Variants in TMEM114 observed in about 807,000 individuals in gnomAD.
The protein encoded by TMEM114 is claudin-26.
Under a neutral mutation model 6.2 loss-of-function variants are expected in TMEM114, and 6 were observed. The ratio of observed to expected loss-of-function variants is 0.97; its 90% confidence interval spans 0.53 to 1.91. TMEM114 has a LOEUF of 1.91. Ranked by LOEUF, TMEM114 falls within the 40% of genes most tolerant of loss-of-function variation. TMEM114 has a pLI of 0.01. For missense variants in TMEM114, 218 were observed against 158.3 expected, an observed-to-expected ratio of 1.38 and a Z score of -2.02; for synonymous variants, 104 against 73.0, an observed-to-expected ratio of 1.42 and a Z score of -2.16.
At chr16:8,579,242 G>A (rs1330188735) in intron 2 of TMEM114, among the ~76,000 whole-genome samples, 3 of 152,242 alleles carry the variant, frequency 2.0e-5, no homozygotes, top group Admixed American at 6.5e-5. Context: ...AGCCCCGAGC[G>A]GTCAATGCTC....
At chr16:8,572,322 A>G (rs1372199266) in intron 2 of TMEM114, 98 bp from the exon 3 acceptor site, 1 of 1,323,750 alleles carries the variant, frequency 7.6e-7, no homozygotes, top group East Asian at 2.5e-5. Context: ...AGCTGGGGAA[A>G]ATCCACACTG....
At chr16:8,566,897 GTTT>G (rs71150402), downstream of TMEM114, among the ~76,000 whole-genome samples, 1,880 of 98,268 alleles carry the variant, frequency 0.019, 43 homozygotes, top group African/African-American at 0.073. Flanking sequence ...CATCACCCTG[GTTT>G]TTTTTTTTTT....
At chr16:8,563,035 A>C (rs1901330144) in intron 2 of TMEM114, among the ~76,000 whole-genome samples, 1 of 142,314 alleles carries the variant, frequency 7.0e-6, no homozygotes, top group African/African-American at 2.6e-5. Flanking sequence ...GGAATGAGTG[A>C]GTGAATGAGT....
chr16:8,569,401 C>A, downstream of TMEM114: 1 of 1,050,660 alleles, frequency 9.5e-7, no homozygotes, highest in Middle Eastern at 4.5e-4. Context: ...CACCCTCTCC[C>A]TTTCCCAGAC....
rs1250852864 is a variant in TMEM114, at chr16:8,589,953, C to A, written c.-115G>T. ...CTCCCAGCTCCACCGCCGCCAGAGC[C>A]GCGGAGCTCAGATCTGAAAGCCTTT... On this transcript the variant is annotated 5_prime_UTR_variant, in exon 1 of 4. Coordinates refer to ENST00000620492, the MANE Select transcript of TMEM114 (RefSeq NM_001146336.2). The A allele has an allele frequency of 2.6e-6, 1 of 387,430 alleles. No individual in the cohort carries two copies. Among genetic ancestry groups the A allele is most frequent in the Non-Finnish European group, 4.6e-6 (1 of 219,380 alleles). 24.0% of individuals were successfully genotyped at this position (387,430 alleles called of 1,614,324 possible).
chr16:8,575,572 C>T (rs1202603247), intron 2 of TMEM114, among the ~76,000 whole-genome samples: 1 of 152,212 alleles, frequency 6.6e-6, no homozygotes, highest in East Asian at 1.9e-4. Flanking sequence ...CACCTGCCAC[C>T]TATGCTCACC....
chr16:8,530,668 T>C, the TMEM114 span, among the ~76,000 whole-genome samples: 2 of 150,918 alleles, frequency 1.3e-5, no homozygotes, highest in African/African-American at 4.9e-5. Context: ...GAAGGGAATG[T>C]AGTTAACCAA....
chr16:8,562,040 A>C (rs889657281), intron 2 of TMEM114, among the ~76,000 whole-genome samples: 1 of 147,210 alleles, frequency 6.8e-6, no homozygotes, highest in Non-Finnish European at 1.5e-5. Context: ...GAGTGAGTAA[A>C]TGAGTGAGTG....
chr16:8,562,131 A>C (rs1901249822), intron 2 of TMEM114, among the ~76,000 whole-genome samples: 1 of 151,470 alleles, frequency 6.6e-6, no homozygotes, highest in African/African-American at 2.5e-5. Context: ...TGAATGAGTG[A>C]GTGAATGAGT....
intron 2 of TMEM114, among the ~76,000 whole-genome samples, chr16:8,583,763 C>T (rs1228844856): frequency 2.0e-5 from 3 of 151,826 alleles, no homozygotes; most frequent in African/African-American, 7.3e-5. Flanking sequence ...AAAAAAAAGT[C>T]ACACAGCTAG....
chr16:8,547,371 GCTTTCTTTCTTT>G (rs138022382), intron 2 of TMEM114, among the ~76,000 whole-genome samples: 7 of 142,992 alleles, frequency 4.9e-5, no homozygotes, highest in Non-Finnish European at 6.0e-5. Context: ...GAAGAGACGC[GCTTTCTTTCTTT>G]CTTTCTTTCT....
At chr16:8,565,845 G>C (rs1901525367), downstream of TMEM114, among the ~76,000 whole-genome samples, 3 of 152,196 alleles carry the variant, frequency 2.0e-5, no homozygotes, top group Admixed American at 1.3e-4. Flanking sequence ...TGGGGCCCCA[G>C]TGCTAGCAAC....
chr16:8,555,636 A>G (rs1303034818), intron 2 of TMEM114, among the ~76,000 whole-genome samples: 2 of 152,114 alleles, frequency 1.3e-5, no homozygotes, highest in Admixed American at 6.5e-5. Flanking sequence ...TCTGCTGCCT[A>G]TCTCACTATT....
chr16:8,557,569 T>G (rs1388540451), intron 2 of TMEM114, among the ~76,000 whole-genome samples: 3 of 152,204 alleles, frequency 2.0e-5, no homozygotes, highest in African/African-American at 7.2e-5. Flanking sequence ...TTTTGGCCAC[T>G]ACATCTTGGG....
At chr16:8,534,573 T>C (rs918108741), downstream of TMEM114, among the ~76,000 whole-genome samples, 4 of 152,020 alleles carry the variant, frequency 2.6e-5, no homozygotes, top group Admixed American at 1.3e-4. Context: ...AAAGAAAAAA[T>C]AGTAATGGGG....
In TMEM114 at chr16:8,556,594, C is replaced by T. The variant is rs532419818; in HGVS notation, n.213-18768G>A. Among the ~76,000 whole-genome samples, 9 of 152,170 alleles carry T rather than the reference C, an allele frequency of 5.9e-5. No individual in the cohort carries two copies. The South Asian group carries it at 8.3e-4, about 14-fold the overall frequency. Reference sequence around the variant, plus strand: ...TTGGCTCACTGCAACCTCCGCCTCCCGAGATCAAGTGATTCTCCTGCCCCA... The same window carrying T: ...TTGGCTCACTGCAACCTCCGCCTCCTGAGATCAAGTGATTCTCCTGCCCCA... On this transcript the variant is annotated intron_variant and non_coding_transcript_variant, in intron 2 of 2. Transcript: ENST00000623677.
chr16:8,563,593 GTGTGTGAA>G, intron 2 of TMEM114, among the ~76,000 whole-genome samples: 1 of 151,380 alleles, frequency 6.6e-6, no homozygotes, highest in East Asian at 1.9e-4. Flanking sequence ...GAGTGAATGA[GTGTGTGAA>G]TGAGTAAATG....
rs1901654313 is a variant in TMEM114, at chr16:8,569,577, C to T, written c.*196G>A. The T allele has an allele frequency of 1.4e-6, 2 of 1,425,876 alleles. No individual in the cohort carries two copies. The highest frequency in any genetic ancestry group is 2.5e-5 in the East Asian group (1 of 39,720). The allele number at this position is 1,425,876 out of a possible 1,614,324, so 88.3% of individuals were successfully genotyped here. A position where few individuals can be genotyped will look rare whatever the true frequency, so the allele number is the denominator to read the frequency against. On this transcript the variant is annotated 3_prime_UTR_variant, in exon 4 of 4. Transcript: ENST00000620492. ...GGCTCCTCCAGGCCACACGGACACA[C>T]ACGGACATAAGCACACAGGTACTAG...
At chr16:8,536,342 A>G (rs1390751079), downstream of TMEM114, among the ~76,000 whole-genome samples, 2 of 152,128 alleles carry the variant, frequency 1.3e-5, no homozygotes, top group African/African-American at 2.4e-5. Context: ...AAAGCTCTTC[A>G]TATAATAATT....
Sources: gnomAD v4.1 joint callset for allele counts (sites outside exome capture counted in the v4.1 genomes callset) on GRCh38, gnomAD v4.1.1 for gene constraint, MANE v1.5 for transcripts, NCBI Gene and HGNC (gene_info 2026-07-23, HGNC 2026-07-21) for gene names.